SOD2: variants seen among roughly 807,000 people sequenced by gnomAD.
SOD2 encodes superoxide dismutase 2.
A neutral mutation model predicts 27.0 loss-of-function variants in SOD2; 11 were observed. That is an observed-to-expected ratio of 0.41 (90% confidence interval 0.26 to 0.67). The LOEUF (loss-of-function observed/expected upper bound fraction) is 0.67. SOD2 is among the 30% of genes least tolerant of loss of function. SOD2 has a pLI of 0.34. For missense variants in SOD2, 250 were observed against 274.5 expected (o/e 0.91, Z 0.63); for synonymous variants, 105 against 103.0 (o/e 1.02, Z -0.12).
At chr6:159,708,113 G>A (rs1375321459) in intron 1 of SOD2, among the ~76,000 whole-genome samples, 13 of 152,122 alleles carry the variant, frequency 8.5e-5, no homozygotes, top group East Asian at 3.8e-4. Context: ...TTGATGGGAC[G>A]TATCTCAAAA....
chr6:159,688,349 A>C, intron 2 of SOD2, 107 bp from the exon 3 acceptor site: 1 of 699,854 alleles, frequency 1.4e-6, no homozygotes, highest in South Asian at 1.7e-5. Context: ...GGACCAGCTT[A>C]TCTATAACAT....
At chr6:159,753,613 TG>T in intron 1 of SOD2, 1 of 1,599,034 alleles carries the variant, frequency 6.3e-7, no homozygotes. Flanking sequence ...GCAGTCAGGA[TG>T]GTAAGGGGTT....
intron 1 of SOD2, among the ~76,000 whole-genome samples, chr6:159,699,341 TC>T (rs772980624): frequency 9.9e-5 from 15 of 152,166 alleles, no homozygotes; most frequent in Non-Finnish European, 1.8e-4. Context: ...AGACCCAGCT[TC>T]CTGGAGTTTC....
chr6:159,702,654 CAAAAAAAAAAAAA>C (rs750073120), intron 1 of SOD2, among the ~76,000 whole-genome samples: 7 of 39,852 alleles, frequency 1.8e-4, no homozygotes, highest in South Asian at 1.6e-3. Context: ...TCTATCTCTC[CAAAAAAAAAAAAA>C]AAAAAAAAAA....
At chr6:159,748,979 C>A, upstream of SOD2, 6 of 1,046,736 alleles carry the variant, frequency 5.7e-6, no homozygotes, top group Non-Finnish European at 6.9e-6. The surrounding 1 kb of genome is among the most constrained non-coding windows in gnomAD (Gnocchi z 5.6). Flanking sequence ...AACCAACTTT[C>A]AATAGTCATG....
At chr6:159,749,007 A>G (rs1339941909), upstream of SOD2, 2 of 1,014,584 alleles carry the variant, frequency 2.0e-6, no homozygotes, top group Non-Finnish European at 2.4e-6. Flanking sequence ...CAAATAATAG[A>G]TGTCCGTACA....
At position 159,680,203 on chromosome 6, in the gene SOD2, C is replaced by T. The variant is rs1779885174; in HGVS notation, c.*2290G>A. 1 of 152,132 alleles carries T rather than the reference C, an allele frequency of 6.6e-6. No individual in the cohort carries two copies. Among genetic ancestry groups the T allele is most frequent in the South Asian group, 2.1e-4 (1 of 4,830 alleles). The allele number at this position is 152,132 out of a possible 1,614,324, so 9.4% of individuals were successfully genotyped here. ...CAAACCTTGTTAGTTCAATACAAAC[C>T]ATGATCTAGCAGACAACTTATATTC... On this transcript the variant is annotated 3_prime_UTR_variant, in exon 5 of 5. Coordinates refer to ENST00000538183, the MANE Select transcript of SOD2 (RefSeq NM_000636.4).
intron 1 of SOD2, 58 bp from the exon 2 acceptor site, chr6:159,692,921 T>G: frequency 6.9e-7 from 1 of 1,450,582 alleles, no homozygotes; most frequent in Non-Finnish European, 9.1e-7. Flanking sequence ...CTACGCAGGC[T>G]GGGCTGCCGA....
upstream of SOD2, among the ~76,000 whole-genome samples, chr6:159,728,682 A>T (rs2114859771): frequency 1.3e-5 from 2 of 152,390 alleles, no homozygotes; most frequent in South Asian, 4.1e-4. Flanking sequence ...AATCTTTTCA[A>T]GATGGATACA....
intron 1 of SOD2, chr6:159,756,307 T>A (rs1780010386): frequency 6.6e-6 from 1 of 152,658 alleles, no homozygotes; most frequent in Non-Finnish European, 1.5e-5. Flanking sequence ...AGATTTTTAT[T>A]GTAACTCCTT....
In SOD2 at chr6:159,693,207, C is replaced by T. The variant is rs1400079773; in HGVS notation, c.-40G>A. On this transcript the variant is annotated 5_prime_UTR_variant, in exon 1 of 5. Transcript: ENST00000538183. Reference sequence around the variant, plus strand: ...TGCTACCGCTGATGCCGCCGATCTGCTGAAGCCGCTGCCGAAGCCACCACA... The same window carrying T: ...TGCTACCGCTGATGCCGCCGATCTGTTGAAGCCGCTGCCGAAGCCACCACA... The T allele has an allele frequency of 2.7e-6, 4 of 1,508,428 alleles. No homozygotes were observed. The highest frequency in any genetic ancestry group is 3.6e-6 in the Non-Finnish European group (4 of 1,124,886). The allele number at this position is 1,508,428 out of a possible 1,614,324, so 93.4% of individuals were successfully genotyped here.
At chr6:159,685,705 T>C (rs376292160) in intron 3 of SOD2, among the ~76,000 whole-genome samples, 76 of 151,988 alleles carry the variant, frequency 5.0e-4, no homozygotes, top group African/African-American at 1.8e-3. Flanking sequence ...TGCTCTGTCC[T>C]CAGTGTCTGT....
intron 1 of SOD2, among the ~76,000 whole-genome samples, chr6:159,706,229 C>T (rs138268301): frequency 0.01 from 1,583 of 152,216 alleles, 27 homozygotes; most frequent in African/African-American, 0.037. Flanking sequence ...AAATAACCAG[C>T]GAACATCCTA....
Position 159,710,712 on chromosome 6 carries a change from A to G in SOD2, c.-116+16417T>C, listed in dbSNP as rs377131804. 1.4e-3 allele frequency among the ~76,000 whole-genome samples: 217 copies of G among 151,620 alleles called. 1 individual carries two copies. The highest frequency in any genetic ancestry group is 5.1e-3 in the African/African-American group (211 of 41,310). The stretch of plus-strand genomic sequence containing the variant: ...TGCTCTGATCACCCTAACCACCTCC[A>G]TAACCACCAGTCACACTGCTCTGAC... On this transcript the variant is annotated intron_variant, in intron 1 of 2. Transcript: ENST00000401980.
chr6:159,693,194 T>C lies in SOD2; in HGVS notation c.-27A>G. On this transcript the variant is annotated 5_prime_UTR_variant, in exon 1 of 5. Coordinates refer to ENST00000538183, the MANE Select transcript of SOD2 (RefSeq NM_000636.4). ...CTGCTAGTGCTGGTGCTACCGCTGA[T>C]GCCGCCGATCTGCTGAAGCCGCTGC... 6.6e-7 allele frequency: 1 copy of C among 1,521,016 alleles called. No homozygotes were observed. The highest frequency in any genetic ancestry group is 1.2e-5 in the South Asian group (1 of 81,168). The allele number at this position is 1,521,016 out of a possible 1,614,324, so 94.2% of individuals were successfully genotyped here. A position where few individuals can be genotyped will look rare whatever the true frequency, so the allele number is the denominator to read the frequency against.
At chr6:159,691,524 A>G (rs1777188136) in intron 2 of SOD2, 1 of 152,236 alleles carries the variant, frequency 6.6e-6, no homozygotes, top group South Asian at 2.1e-4. Context: ...AACATTTTTT[A>G]CTACGTAGCT....
At chr6:159,691,776 A>C (rs1023104257) in intron 2 of SOD2, 12 of 152,168 alleles carry the variant, frequency 7.9e-5, no homozygotes, top group Admixed American at 2.6e-4. Context: ...TACAAATATG[A>C]GTAAATAGTA....
upstream of SOD2, among the ~76,000 whole-genome samples, chr6:159,747,188 G>T (rs1779625565): frequency 6.6e-6 from 1 of 152,186 alleles, no homozygotes; most frequent in Non-Finnish European, 1.5e-5. Flanking sequence ...TGAAGAAAAT[G>T]ATGAATTTAA....
chr6:159,761,440 T>A, exon 1 of SOD2: 2 of 436,602 alleles, frequency 4.6e-6, no homozygotes, highest in Non-Finnish European at 9.1e-6. Flanking sequence ...ACAGCCAGAG[T>A]TGATCTTAGA....
Sources: allele counts gnomAD v4.1 joint callset (sites outside exome capture counted in the v4.1 genomes callset), GRCh38; gene constraint gnomAD v4.1.1; non-coding constraint Gnocchi (gnomAD v3.1); transcripts MANE v1.5; gene names NCBI Gene and HGNC (gene_info 2026-07-23, HGNC 2026-07-21).